The following SOX5 variants were observed in gnomAD, a reference collection of about 807,000 sequenced individuals.
The protein encoded by SOX5 is SRY-box transcription factor 5, also known as transcription factor SOX-5.
SOX5 carries 9 observed loss-of-function variants against 92.0 expected under a neutral mutation model. The observed-to-expected ratio is 0.10, with a 90% CI of 0.06 to 0.17. The LOEUF (loss-of-function observed/expected upper bound fraction) is 0.17. Ranked by LOEUF, SOX5 falls within the 10% of genes least tolerant of loss-of-function variation. The pLI is 1.00. For missense variants in SOX5, 642 were observed against 944.5 expected (o/e 0.68, Z 4.20); for synonymous variants, 344 against 336.3 (o/e 1.02, Z -0.25).
chr12:23,878,293 G>A (rs2096950785), intron 2 of SOX5, among the ~76,000 whole-genome samples: 1 of 151,842 alleles, frequency 6.6e-6, no homozygotes, highest in Non-Finnish European at 1.5e-5. Flanking sequence ...TCATCCATTT[G>A]TCAAAGAGAA....
chr12:24,171,850 GAAGA>G (rs892650683), intron 4 of SOX5, among the ~76,000 whole-genome samples: 13 of 152,096 alleles, frequency 8.5e-5, no homozygotes, highest in East Asian at 3.9e-4. Flanking sequence ...AAAAAAAGAA[GAAGA>G]AAGGACCCTG....
At chr12:24,461,780 T>A (rs1296080497) in intron 1 of SOX5, among the ~76,000 whole-genome samples, 2 of 152,214 alleles carry the variant, frequency 1.3e-5, no homozygotes, top group Admixed American at 1.3e-4. Flanking sequence ...ATCTTTCTCT[T>A]GAATAGCTTC....
chr12:24,402,926 A>G (rs893784477), intron 1 of SOX5, among the ~76,000 whole-genome samples: 14 of 152,154 alleles, frequency 9.2e-5, no homozygotes, highest in African/African-American at 3.4e-4. Flanking sequence ...CCGTCTATCC[A>G]ATCATAATGC....
intron 4 of SOX5, among the ~76,000 whole-genome samples, chr12:24,144,403 C>T (rs1214682938): frequency 6.6e-6 from 1 of 152,096 alleles, no homozygotes; most frequent in East Asian, 1.9e-4. Flanking sequence ...ATGTTATAAG[C>T]TTTTCTAATT....
At chr12:24,252,560 T>C (rs967440790) in intron 3 of SOX5, among the ~76,000 whole-genome samples, 2 of 152,140 alleles carry the variant, frequency 1.3e-5, no homozygotes, top group African/African-American at 4.8e-5. Flanking sequence ...TTGCATTTAA[T>C]TTGATGTCAT....
chr12:23,565,060 G>C (rs1356391901), intron 10 of SOX5, among the ~76,000 whole-genome samples: 1 of 152,100 alleles, frequency 6.6e-6, no homozygotes, highest in East Asian at 1.9e-4. Flanking sequence ...AAGCTTGAGA[G>C]TGATTATATA....
intron 2 of SOX5, among the ~76,000 whole-genome samples, chr12:24,308,446 C>A (rs926952381): frequency 6.6e-6 from 1 of 152,150 alleles, no homozygotes; most frequent in South Asian, 2.1e-4. Flanking sequence ...TGTTCACTGC[C>A]GCTCTAAAAC....
At chr12:24,222,777 A>G (rs1960800402) in intron 3 of SOX5, among the ~76,000 whole-genome samples, 1 of 152,230 alleles carries the variant, frequency 6.6e-6, no homozygotes, top group African/African-American at 2.4e-5. Flanking sequence ...GATTATGCTA[A>G]GAAACATTTA....
chr12:24,523,743 C>A (rs1950455837), intron 1 of SOX5, among the ~76,000 whole-genome samples: 1 of 152,074 alleles, frequency 6.6e-6, no homozygotes, highest in African/African-American at 2.4e-5. Flanking sequence ...AAAATCAACT[C>A]AAAATGGCAT....
chr12:24,323,960 A>C (rs1188323217), intron 2 of SOX5, among the ~76,000 whole-genome samples: 1 of 152,198 alleles, frequency 6.6e-6, no homozygotes, highest in African/African-American at 2.4e-5. Flanking sequence ...CTCACTTATT[A>C]AATAAATGTA....
intron 4 of SOX5, among the ~76,000 whole-genome samples, chr12:24,166,355 C>T (rs148832679): frequency 6.6e-6 from 1 of 152,088 alleles, no homozygotes; most frequent in South Asian, 2.1e-4. Flanking sequence ...ATATACAGAC[C>T]TCCCGTTCAA....
At chr12:24,060,448 T>C (rs987864745) in intron 4 of SOX5, among the ~76,000 whole-genome samples, 2 of 152,234 alleles carry the variant, frequency 1.3e-5, no homozygotes, top group Non-Finnish European at 2.9e-5. Context: ...CATATTCTTA[T>C]ATACACTCCA....
intron 4 of SOX5, among the ~76,000 whole-genome samples, chr12:24,176,762 C>T (rs145465477): frequency 4.9e-4 from 75 of 152,242 alleles, no homozygotes; most frequent in Middle Eastern, 6.8e-3. Flanking sequence ...AAGTGGAAGT[C>T]CAAGAGAATC....
chr12:23,987,744 G>A (rs1280081772), intron 4 of SOX5, among the ~76,000 whole-genome samples: 3 of 152,150 alleles, frequency 2.0e-5, no homozygotes, highest in Admixed American at 6.6e-5. Context: ...AGCGAGCTGC[G>A]ATCAGGCCAC....
intron 2 of SOX5, among the ~76,000 whole-genome samples, chr12:24,325,718 G>A (rs921700054): frequency 1.3e-5 from 2 of 152,196 alleles, no homozygotes; most frequent in Non-Finnish European, 2.9e-5. Flanking sequence ...CACTGTGTGG[G>A]TTGTTAGAAT....
chr12:24,311,082 C>A (rs889816879), intron 2 of SOX5, among the ~76,000 whole-genome samples: 6 of 152,184 alleles, frequency 3.9e-5, no homozygotes, highest in African/African-American at 1.4e-4. Flanking sequence ...ACCTATCTCA[C>A]CTGAAAGTTC....
chr12:23,614,812 T>A (rs1049461449), intron 8 of SOX5, among the ~76,000 whole-genome samples: 5 of 152,162 alleles, frequency 3.3e-5, no homozygotes, highest in Non-Finnish European at 7.4e-5. Context: ...TTTTCTTTCT[T>A]TTTTTTGGAA....
intron 3 of SOX5, among the ~76,000 whole-genome samples, chr12:24,249,237 C>T (rs1939537042): frequency 1.3e-5 from 2 of 152,156 alleles, no homozygotes; most frequent in South Asian, 2.1e-4. Flanking sequence ...TTGCACTTGC[C>T]CTCCTAACCT....
chr12:23,858,545 A>G (rs2096720195), intron 2 of SOX5, among the ~76,000 whole-genome samples: 1 of 152,198 alleles, frequency 6.6e-6, no homozygotes, highest in Non-Finnish European at 1.5e-5. Context: ...GAAAGTAACA[A>G]CAGGTGCTGG....
Sources: gnomAD v4.1 joint callset for allele counts (sites outside exome capture counted in the v4.1 genomes callset) on GRCh38, gnomAD v4.1.1 for gene constraint, MANE v1.5 for transcripts, NCBI Gene and HGNC (gene_info 2026-07-23, HGNC 2026-07-21) for gene names.